Variants in PHKA1 observed in about 807,000 individuals in gnomAD.
PHKA1 encodes phosphorylase kinase regulatory subunit alpha 1.
In PHKA1, 60 loss-of-function variants were observed where a neutral mutation model predicts 110.2. The ratio of observed to expected loss-of-function variants is 0.54; its 90% CI spans 0.44 to 0.68. The LOEUF is 0.68. Ranked by LOEUF, PHKA1 falls within the 30% of genes least tolerant of loss-of-function variation. The pLI, the probability that PHKA1 is intolerant of heterozygous loss-of-function variation, is 0.00. For missense variants in PHKA1, 801 were observed against 942.5 expected (o/e 0.85, Z 1.97); for synonymous variants, 316 against 333.6 (o/e 0.95, Z 0.58).
In PHKA1 at chrX:72,602,393, A is replaced by T; in HGVS notation, c.2918-120T>A. ...ATTTTTAACTTAATTTAAAAACTAT[A>T]ACCTTGCTATTTGAAATGTGGTCCA... On this transcript the variant is annotated intron_variant, in intron 26 of 31. Coordinates refer to ENST00000373542, the MANE Select transcript of PHKA1 (RefSeq NM_002637.4). The T allele has an allele frequency of 5.9e-6, 3 of 509,110 alleles. No homozygotes were observed. In the South Asian group the frequency reaches 8.6e-5, roughly 15 times the overall value. The allele number at this position is 509,110 out of a possible 1,213,427, so 42.0% of individuals were successfully genotyped here.
intron 14 of PHKA1, among the ~76,000 whole-genome samples, chrX:72,641,517 TAA>T (rs1266862764): frequency 5.4e-5 from 6 of 111,643 alleles, no homozygotes; most frequent in Non-Finnish European, 1.1e-4. Context: ...CTATATGCAC[TAA>T]GATTAGAAAA....
chrX:72,703,838 C>T (rs781884830), intron 3 of PHKA1, among the ~76,000 whole-genome samples: 3 of 111,682 alleles, frequency 2.7e-5, no homozygotes, highest in East Asian at 5.6e-4. Context: ...TTTAGCAATC[C>T]GGGCCTCAAT....
In PHKA1 at chrX:72,603,196, A is replaced by G. The variant is rs782155843; in HGVS notation, c.2840T>C (p.Met947Thr). 8.3e-7 allele frequency: 1 copy of G among 1,204,545 alleles called. No individual in the cohort carries two copies. Among genetic ancestry groups the G allele is most frequent in the Non-Finnish European group, 1.1e-6 (1 of 889,329 alleles). The change falls in exon 26 of 32, where the codon ATG becomes ACG. Residue 947 changes from methionine (M) to threonine (T), a missense_variant. Physicochemically the swap from Met to Thr is moderately conservative, Grantham distance 81 (BLOSUM62 -1). This residue lies in a region of PHKA1 where 502 missense variants were observed against 519.2 expected (regional missense o/e 0.97). Coordinates refer to ENST00000373542, the MANE Select transcript of PHKA1 (RefSeq NM_002637.4). ...CTTCATGGCCGAAGGACTGAGATTC[A>G]TCAGGCCCTCTGTGGCTTCCTCAGC... ...CSAEEATEGL[M>T]NLSPSAMKNL...
rs376284564 is a variant in PHKA1, at chrX:72,644,460, A to G, written c.1361T>C (p.Ile454Thr). Reference sequence around the variant, plus strand: ...CACGTAAATTCCCTTGTCCTTCAAAATGGTCTTGATTTCTTCTGTTTCAGC... The same window carrying G: ...CACGTAAATTCCCTTGTCCTTCAAAGTGGTCTTGATTTCTTCTGTTTCAGC... ...ILAETEEIKTILKDKGIYVET... is the reference protein window; with the variant it reads ...ILAETEEIKTTLKDKGIYVET... The change falls in exon 14 of 32, where the codon ATT becomes ACT. Residue 454 changes from isoleucine to threonine, a missense_variant. Around this residue, in one of 2 missense-constraint regions of PHKA1, gnomAD observed 299 missense variants for 423.3 expected, o/e 0.71. Transcript: ENST00000373542. The G allele has an allele frequency of 4.1e-6, 5 of 1,207,186 alleles. No individual in the cohort carries two copies. The African/African-American group carries it at 7.0e-5, about 17-fold the overall frequency.
intron 21 of PHKA1, among the ~76,000 whole-genome samples, chrX:72,617,057 C>T (rs1337067420): frequency 9.0e-6 from 1 of 110,831 alleles, no homozygotes; most frequent in African/African-American, 3.3e-5. Flanking sequence ...GTATAAAGGT[C>T]TAAAATAAAC....
chrX:72,625,357 T>C (rs2053044272), intron 17 of PHKA1, among the ~76,000 whole-genome samples: 1 of 111,837 alleles, frequency 8.9e-6, no homozygotes, highest in African/African-American at 3.3e-5. Flanking sequence ...ATGTGGTATG[T>C]GGTATTTGGT....
intron 10 of PHKA1, among the ~76,000 whole-genome samples, chrX:72,655,237 G>C (rs1339064670): frequency 1.8e-5 from 2 of 112,070 alleles, no homozygotes; most frequent in Non-Finnish European, 3.8e-5. Context: ...AGCGAGGCCC[G>C]TCTCTACAAA....
Position 72,602,019 on chromosome X carries a change from C to T in PHKA1, c.3044G>A (p.Arg1015His). The T allele has an allele frequency of 8.4e-6, 10 of 1,197,003 alleles. No homozygotes were observed. The highest frequency in any genetic ancestry group is 1.8e-5 in the South Asian group (1 of 56,158). ...ACTCTCAGCTGAGATTGACAGTCTA[C>T]GAAATTCCACCTGAAACATAAATGG... Reference protein sequence around the residue: ...LKSEIKQVEFRRLSISAESQS... With the variant: ...LKSEIKQVEFHRLSISAESQS... Residue 1015 changes from arginine (R) to histidine (H), a missense_variant, in exon 28 of 32, where the codon CGT (arginine) becomes CAT (histidine). By Grantham distance (29) the Arg-to-His change is conservative (BLOSUM62 0). Coordinates refer to ENST00000373542, the MANE Select transcript of PHKA1 (RefSeq NM_002637.4).
rs782711638 is a variant in PHKA1 at position 72,671,079 on chromosome X, T to C, written c.619-3606A>G. Among the ~76,000 whole-genome samples, 5 of 111,312 alleles carry C rather than the reference T, an allele frequency of 4.5e-5. No homozygotes were observed. The East Asian group carries it at 1.1e-3, about 25-fold the overall frequency. The stretch of plus-strand genomic sequence containing the variant: ...CTATTCAACATAGTGTTGGAAGTTC[T>C]GGCCAGGGCAATCAGGCAGGAGAAG... On this transcript the variant is annotated intron_variant, in intron 6 of 31. Coordinates refer to ENST00000373542, the MANE Select transcript of PHKA1 (RefSeq NM_002637.4).
At chrX:72,588,350 C>T (rs1250669548) in intron 29 of PHKA1, among the ~76,000 whole-genome samples, 3 of 111,550 alleles carry the variant, frequency 2.7e-5, no homozygotes, top group African/African-American at 6.5e-5. Flanking sequence ...AACGAAATGA[C>T]GGCAGAAATG....
At position 72,652,649 on chromosome X, in the gene PHKA1, G is replaced by C. The variant is rs782278481; in HGVS notation, c.1140C>G (p.Val380=). ...PELYSVPPDR[V]DEEYQNPHTV... is the part of the protein sequence containing the mutation. Reference sequence around the variant, plus strand: ...TGTGAGGATTCTGATATTCTTCATCGACCTAAAAGAAAAGATGAAGAGGCC... The same window carrying C: ...TGTGAGGATTCTGATATTCTTCATCCACCTAAAAGAAAAGATGAAGAGGCC... Residue 380 remains valine, a splice_region_variant and synonymous_variant, in exon 12 of 32, where the codon GTC becomes GTG. Transcript: ENST00000373542. The C allele has an allele frequency of 1.4e-5, 16 of 1,107,303 alleles. No homozygotes were observed. The highest frequency in any genetic ancestry group is 2.0e-5 in the Non-Finnish European group (16 of 802,802). The allele number at this position is 1,107,303 out of a possible 1,213,427, so 91.3% of individuals were successfully genotyped here. A position where few individuals can be genotyped will look rare whatever the true frequency, so the allele number is the denominator to read the frequency against.
chrX:72,635,042 G>T, intron 16 of PHKA1, 113 bp downstream of exon 16: 2 of 971,165 alleles, frequency 2.1e-6, no homozygotes, highest in Non-Finnish European at 2.9e-6. Context: ...AATAAATACT[G>T]CTGAAAGAAT....
In PHKA1 at chrX:72,620,890, C is replaced by T; in HGVS notation, c.1972G>A (p.Asp658Asn). 2 of 1,210,935 alleles carry T rather than the reference C, an allele frequency of 1.7e-6. No individual in the cohort carries two copies. The highest frequency in any genetic ancestry group is 1.8e-5 in the South Asian group (1 of 56,878). The change falls in exon 19 of 32, where the codon GAT becomes AAT. Residue 658 changes from aspartate to asparagine, a missense_variant. Coordinates refer to ENST00000373542, the MANE Select transcript of PHKA1 (RefSeq NM_002637.4). ...TGATCTAAATAACGAGCAACTTCATCACCACAGCGAGCTGCAAGGTTAGTG... is the reference window on the plus strand; with the variant it reads ...TGATCTAAATAACGAGCAACTTCATTACCACAGCGAGCTGCAAGGTTAGTG... ...YDSTSHARCG[D>N]EVARYLDHLL...
In PHKA1 at chrX:72,712,865, T is replaced by G. The variant is rs782352320; in HGVS notation, c.151A>C (p.Ile51Leu). 1.6e-5 allele frequency: 19 copies of G among 1,210,116 alleles called. No homozygotes were observed. In the East Asian group the frequency reaches 5.3e-4, roughly 34 times the overall value. ...AGGCCCAAACCCCACACAGCCAAGA[T>G]GCTGTACACATTATCTCGGACCCAA... ...DAWVRDNVYS[I>L]LAVWGLGLAY... is the part of the protein sequence containing the mutation. Residue 51 changes from isoleucine (I) to leucine (L), a missense_variant, in exon 2 of 32, where the codon ATC becomes CTC. Ile to Leu is a conservative substitution (Grantham distance 5). Transcript: ENST00000373542.
chrX:72,648,926 G>C (rs1380671175), intron 13 of PHKA1, among the ~76,000 whole-genome samples: 3 of 111,704 alleles, frequency 2.7e-5, no homozygotes, highest in Non-Finnish European at 5.6e-5. Flanking sequence ...CTAGAACTTT[G>C]AGACTGAAGT....
chrX:72,679,821 CAT>C (rs1358487028), intron 5 of PHKA1, among the ~76,000 whole-genome samples: 1 of 109,895 alleles, frequency 9.1e-6, no homozygotes, highest in African/African-American at 3.3e-5. Context: ...GCCTAATACA[CAT>C]GTTATTGAAT....
intron 3 of PHKA1, among the ~76,000 whole-genome samples, chrX:72,700,618 A>C (rs1231707717): frequency 1.8e-5 from 2 of 111,882 alleles, no homozygotes; most frequent in African/African-American, 3.2e-5. Context: ...AGAGGTAACA[A>C]ATTTCTTTGT....
At position 72,670,226 on chromosome X, in the gene PHKA1, GT is replaced by G. The variant is rs782569841; in HGVS notation, c.619-2754del. On this transcript the variant is annotated intron_variant, in intron 6 of 31. Transcript: ENST00000373542. ...CCTTTGCCCACTTTTTGATGGGGTT[GT>G]TTTTTTCTTGTAAATTTCTTTGAGT... Among the ~76,000 whole-genome samples, 657 of 111,259 alleles carry G rather than the reference GT, an allele frequency of 5.9e-3. 7 individuals are homozygous for G. Among genetic ancestry groups the G allele is most frequent in the African/African-American group, 0.02 (623 of 30,586 alleles).
At chrX:72,667,079 T>C (rs2053623343) in intron 7 of PHKA1, among the ~76,000 whole-genome samples, 1 of 112,339 alleles carries the variant, frequency 8.9e-6, no homozygotes, top group Admixed American at 9.4e-5. Flanking sequence ...GAAAAGGAGA[T>C]ACTCAGAAAG....
Sources: allele counts gnomAD v4.1 joint callset (sites outside exome capture counted in the v4.1 genomes callset), GRCh38; gene constraint gnomAD v4.1.1; regional missense constraint gnomAD v4.1.1; transcripts MANE v1.5; gene names NCBI Gene and HGNC (gene_info 2026-07-23, HGNC 2026-07-21).